ACOT11: variants seen among roughly 807,000 people sequenced by gnomAD.
The protein encoded by ACOT11 is acyl-CoA thioesterase 11.
A neutral mutation model predicts 77.5 loss-of-function variants in ACOT11; 69 were observed. The observed-to-expected ratio is 0.89, with a 90% confidence interval of 0.73 to 1.09. The LOEUF (loss-of-function observed/expected upper bound fraction) is 1.09. ACOT11 is among the 50% of genes least tolerant of loss of function. ACOT11 has a pLI of 0.00. For synonymous variants in ACOT11, 279 were observed against 313.0 expected (o/e 0.89, Z 1.15); for missense variants, 766 against 813.7 (o/e 0.94, Z 0.71).
chr1:54,627,896 T>G (rs12752131), intron 15 of ACOT11, among the ~76,000 whole-genome samples: 1 of 128,942 alleles, frequency 7.8e-6, no homozygotes, highest in Non-Finnish European at 1.8e-5. Flanking sequence ...GGAGCGTGAG[T>G]GGTGTGGCTG....
chr1:54,589,317 C>CTTT (rs397863314), intron 3 of ACOT11, among the ~76,000 whole-genome samples: 13 of 124,374 alleles, frequency 1.0e-4, no homozygotes, highest in African/African-American at 2.9e-4. Context: ...ATGCCTGGCC[C>CTTT]TTTTTTTTTT....
In ACOT11 at chr1:54,609,923, A is replaced by C. The variant is rs777810291; in HGVS notation, c.*811A>C. ...AGTTCCCTCGAGGCCAGTGTTCAGC[A>C]GGATCATGCCTTCTGTGTCTGGAAG... On this transcript the variant is annotated 3_prime_UTR_variant, in exon 16 of 16. Transcript: ENST00000343744. 7.5e-6 allele frequency: 12 copies of C among 1,606,724 alleles called. No homozygotes were observed. Among genetic ancestry groups the C allele is most frequent in the Middle Eastern group, 1.7e-4 (1 of 6,058 alleles).
intron 7 of ACOT11, chr1:54,598,498 T>G (rs915006366): frequency 6.6e-6 from 1 of 152,200 alleles, no homozygotes; most frequent in African/African-American, 2.4e-5. Flanking sequence ...TGGGTGGCAG[T>G]GGGTGGGTCA....
intron 15 of ACOT11, among the ~76,000 whole-genome samples, chr1:54,624,671 G>A (rs1644261236): frequency 6.6e-6 from 1 of 152,144 alleles, no homozygotes; most frequent in African/African-American, 2.4e-5. Context: ...AAGAAGAAAG[G>A]AGTGGTCAGC....
At chr1:54,585,771 A>G in intron 2 of ACOT11, 64 bp from the exon 3 acceptor site, 1 of 1,571,742 alleles carries the variant, frequency 6.4e-7, no homozygotes, top group Non-Finnish European at 8.7e-7. Context: ...AGGAGGTGCC[A>G]TCTGAGCAGA....
chr1:54,573,792 G>A (rs1265922883), intron 1 of ACOT11, among the ~76,000 whole-genome samples: 1 of 152,186 alleles, frequency 6.6e-6, no homozygotes, highest in Admixed American at 6.5e-5. Flanking sequence ...CACTTTGGGA[G>A]GCCGAGGCAG....
intron 3 of ACOT11, among the ~76,000 whole-genome samples, chr1:54,589,500 T>C: frequency 6.6e-6 from 1 of 152,150 alleles, no homozygotes; most frequent in East Asian, 1.9e-4. Flanking sequence ...AGATGGAGTC[T>C]TGCTCTGTTG....
At chr1:54,601,755 C>T (rs1055436798) in intron 9 of ACOT11, among the ~76,000 whole-genome samples, 4 of 152,156 alleles carry the variant, frequency 2.6e-5, no homozygotes, top group African/African-American at 4.8e-5. Flanking sequence ...GATGCCCCCT[C>T]GAGCTTTCAG....
chr1:54,601,141 G>C, intron 8 of ACOT11, 128 bp from the exon 9 acceptor site: 1 of 556,304 alleles, frequency 1.8e-6, no homozygotes, highest in Non-Finnish European at 2.7e-6. Flanking sequence ...GTGTGCATAC[G>C]TGTGTGTGTG....
chr1:54,600,298 G>C (rs1643945967), intron 8 of ACOT11, among the ~76,000 whole-genome samples: 1 of 152,068 alleles, frequency 6.6e-6, no homozygotes, highest in African/African-American at 2.4e-5. Flanking sequence ...TCTAGGCCTT[G>C]GTTTCCCCAT....
rs771738348 is a variant in ACOT11 at position 54,609,524 on chromosome 1, CACA to C, written c.*415_*417del. ...GGACACAGGTTGCCAGAGCCCCTGG[CACA>C]ACTCTAGCATATCTGTGAGCAGCTG... is the stretch of plus-strand genomic sequence containing the variant. On this transcript the variant is annotated 3_prime_UTR_variant, in exon 16 of 16. Transcript: ENST00000343744. The C allele has an allele frequency of 6.2e-7, 1 of 1,613,046 alleles. No homozygotes were observed. The highest frequency in any genetic ancestry group is 2.2e-5 in the East Asian group (1 of 44,880).
intron 15 of ACOT11, among the ~76,000 whole-genome samples, chr1:54,630,460 C>G (rs1324353898): frequency 6.6e-6 from 1 of 152,214 alleles, no homozygotes; most frequent in Non-Finnish European, 1.5e-5. Flanking sequence ...TGGAAAACCC[C>G]TTAAAGGCAT....
intron 16 of ACOT11, among the ~76,000 whole-genome samples, chr1:54,633,319 C>G (rs78672010): frequency 6.6e-6 from 1 of 152,126 alleles, no homozygotes; most frequent in Non-Finnish European, 1.5e-5. Context: ...TTGGAATTCT[C>G]CAGTTTTCAT....
chr1:54,576,981 A>G (rs17110720), intron 1 of ACOT11, among the ~76,000 whole-genome samples: 5,412 of 152,266 alleles, frequency 0.036, 172 homozygotes, highest in East Asian at 0.16. Context: ...ATCACTTACC[A>G]TGTGCCAGAG....
At chr1:54,622,329 C>T (rs1346711803) in intron 15 of ACOT11, among the ~76,000 whole-genome samples, 1 of 149,658 alleles carries the variant, frequency 6.7e-6, no homozygotes, top group Non-Finnish European at 1.5e-5. Context: ...GCCTGTAATC[C>T]CAGAACTTTG....
In ACOT11 at chr1:54,584,082, G is replaced by A. The variant is rs1654414571; in HGVS notation, c.34-573G>A. On this transcript the variant is annotated intron_variant, in intron 1 of 15. Coordinates refer to ENST00000343744, the MANE Select transcript of ACOT11 (RefSeq NM_147161.4). The surrounding 1 kb of genome is among the most constrained non-coding windows in gnomAD (Gnocchi z 6.3). ...CAGCCCTGGATCAGACAGCTGGTCT[G>A]TGACTGCCCACAGCCCTCCCAGTCA... is the stretch of plus-strand genomic sequence containing the variant. Among the ~76,000 whole-genome samples the A allele has an allele frequency of 6.6e-6, 1 of 152,172 alleles. No homozygotes were observed. The highest frequency in any genetic ancestry group is 1.5e-5 in the Non-Finnish European group (1 of 68,026).
At position 54,568,881 on chromosome 1, in the gene ACOT11, G is replaced by A. The variant is rs566367370; in HGVS notation, c.34-15774G>A. Among the ~76,000 whole-genome samples the A allele has an allele frequency of 2.9e-4, 44 of 152,116 alleles. 1 individual carries two copies. In the East Asian group the frequency reaches 8.3e-3, roughly 29 times the overall value. On this transcript the variant is annotated intron_variant, in intron 1 of 15. Transcript: ENST00000343744. ...CCCACCTCAGCCTTCCGAGTGGCTG[G>A]GGTGTGGCTAAAAACTTTTTCTTTT...
At chr1:54,554,349 ATATTT>A (rs1322022287) in intron 1 of ACOT11, among the ~76,000 whole-genome samples, 1 of 79,104 alleles carries the variant, frequency 1.3e-5, no homozygotes, top group African/African-American at 4.1e-5. Flanking sequence ...ATATATATAT[ATATTT>A]TTTTTTTTTT....
intron 1 of ACOT11, among the ~76,000 whole-genome samples, chr1:54,571,354 A>G (rs530060547): frequency 6.6e-6 from 1 of 152,220 alleles, no homozygotes; most frequent in East Asian, 1.9e-4. Context: ...ACAGTGTAGG[A>G]AAATATGGGG....
Sources: gnomAD v4.1 joint callset for allele counts (sites outside exome capture counted in the v4.1 genomes callset) on GRCh38, gnomAD v4.1.1 for gene constraint, Gnocchi (gnomAD v3.1) non-coding constraint, MANE v1.5 for transcripts, NCBI Gene and HGNC (gene_info 2026-07-23, HGNC 2026-07-21) for gene names.